The following BPIFB4 variants were observed in gnomAD, a reference collection of about 807,000 sequenced individuals.
BPIFB4 encodes the protein BPI fold containing family B member 4.
A neutral mutation model predicts 69.2 loss-of-function variants in BPIFB4; 62 were observed. The ratio of observed to expected loss-of-function variants is 0.90; its 90% CI spans 0.73 to 1.11. BPIFB4 has a LOEUF of 1.11. Ranked by LOEUF, BPIFB4 falls within the 50% of genes least tolerant of loss-of-function variation. The pLI, the probability that BPIFB4 is intolerant of heterozygous loss-of-function variation, is 0.00. For synonymous variants in BPIFB4, 330 were observed against 332.7 expected (o/e 0.99, Z 0.09); for missense variants, 789 against 792.0 (o/e 1.00, Z 0.04).
In BPIFB4 at chr20:33,081,013, G is replaced by A. The variant is rs114680276; in HGVS notation, c.-16+437G>A. ...TGGCTTGCTGGGTGTTTCCATGACA[G>A]ATGGGTAATAGATAGATGGAAAGAT... On this transcript the variant is annotated intron_variant, in intron 2 of 17. Coordinates refer to ENST00000375483, the MANE Select transcript of BPIFB4 (RefSeq NM_182519.3). Among the ~76,000 whole-genome samples, 192 of 152,334 alleles carry A rather than the reference G, an allele frequency of 1.3e-3. 1 individual carries two copies. The highest frequency in any genetic ancestry group is 4.4e-3 in the African/African-American group (182 of 41,582).
In BPIFB4 at chr20:33,083,754, G is replaced by A. The variant is rs200543830; in HGVS notation, c.557G>A (p.Gly186Asp). Residue 186 changes from glycine (G) to aspartate (D), a missense_variant, in exon 5 of 18, where the codon GGC becomes GAC. Coordinates refer to ENST00000375483, the MANE Select transcript of BPIFB4 (RefSeq NM_182519.3). ...GMLAADGILA[G>D]QGGLLGGGGL... is the part of the protein sequence containing the mutation. ...CTGGCAGCTGATGGCATCCTCGCAG[G>A]CCAAGGTGGCCTGCTCGGCGGAGGT... 1.8e-4 allele frequency: 293 copies of A among 1,613,880 alleles called. 2 individuals are homozygous for A. Among genetic ancestry groups the A allele is most frequent in the Middle Eastern group, 1.3e-3 (8 of 6,024 alleles).
At chr20:33,084,744 A>G in intron 5 of BPIFB4, 148 bp from the exon 6 acceptor site, 3 of 1,423,892 alleles carry the variant, frequency 2.1e-6, no homozygotes, top group Middle Eastern at 2.5e-4. Flanking sequence ...TGTTTTCCAC[A>G]TTCTGTCCTT....
intron 12 of BPIFB4, among the ~76,000 whole-genome samples, chr20:33,096,832 C>T (rs76421479): frequency 6.6e-6 from 1 of 152,130 alleles, no homozygotes; most frequent in East Asian, 1.9e-4. Flanking sequence ...CTTTCTGTTT[C>T]TTTTGAAAGT....
intron 14 of BPIFB4, among the ~76,000 whole-genome samples, chr20:33,100,884 A>G (rs1286665782): frequency 2.0e-5 from 3 of 149,630 alleles, no homozygotes; most frequent in Non-Finnish European, 4.5e-5. Flanking sequence ...GCATAGGTAC[A>G]CACGTGTAGT....
chr20:33,096,383 C>A (rs1981753952), intron 12 of BPIFB4, among the ~76,000 whole-genome samples: 1 of 152,206 alleles, frequency 6.6e-6, no homozygotes, highest in Admixed American at 6.5e-5. Context: ...TCAAGCAATT[C>A]CCCTGACTCA....
At chr20:33,109,223 T>C (rs985703037) in intron 17 of BPIFB4, among the ~76,000 whole-genome samples, 4 of 152,208 alleles carry the variant, frequency 2.6e-5, no homozygotes, top group Admixed American at 6.5e-5. Context: ...AGCATTTTAT[T>C]ATAAAATGTT....
At chr20:33,106,338 A>G (rs548028365) in intron 16 of BPIFB4, among the ~76,000 whole-genome samples, 32 of 151,628 alleles carry the variant, frequency 2.1e-4, no homozygotes, top group African/African-American at 6.0e-4. Context: ...TGACTGGGCG[A>G]AGGGCTGGGT....
At chr20:33,083,260 G>C (rs1981295583) in intron 4 of BPIFB4, 107 bp from the exon 5 acceptor site, 9 of 932,412 alleles carry the variant, frequency 9.7e-6, no homozygotes, top group Non-Finnish European at 1.3e-5. Context: ...GTGGTGGGGG[G>C]TTGCTGGGTG....
At position 33,080,578 on chromosome 20, in the gene BPIFB4, T is replaced by G. The variant is rs1269921932; in HGVS notation, c.-16+2T>G. Reference sequence around the variant, plus strand: ...ATTTGGGAGCAGAAGTTCAAAAAGGTAAAGTCCCTTTCCTAAGCATTAAGA... The same window carrying G: ...ATTTGGGAGCAGAAGTTCAAAAAGGGAAAGTCCCTTTCCTAAGCATTAAGA... On this transcript the variant is annotated splice_donor_variant, in intron 2 of 17. Coordinates refer to ENST00000375483, the MANE Select transcript of BPIFB4 (RefSeq NM_182519.3). LOFTEE classifies it low-confidence loss of function (5UTR_SPLICE). The G allele has an allele frequency of 6.6e-6, 1 of 152,224 alleles. No homozygotes were observed. The highest frequency in any genetic ancestry group is 2.4e-5 in the African/African-American group (1 of 41,440). The allele number at this position is 152,224 out of a possible 1,614,324, so 9.4% of individuals were successfully genotyped here. A position where few individuals can be genotyped will look rare whatever the true frequency, so the allele number is the denominator to read the frequency against.
chr20:33,083,243 G>T (rs1981294641), intron 4 of BPIFB4, 124 bp from the exon 5 acceptor site: 2 of 881,990 alleles, frequency 2.3e-6, no homozygotes, highest in East Asian at 7.4e-5. Context: ...GGGGCTGCTG[G>T]GTGGCAGTGG....
intron 7 of BPIFB4, among the ~76,000 whole-genome samples, chr20:33,086,958 C>T (rs1981448704): frequency 6.6e-6 from 1 of 152,126 alleles, no homozygotes; most frequent in African/African-American, 2.4e-5. Flanking sequence ...TCTTCCTCTC[C>T]ATTATTATCC....
At chr20:33,106,376 C>CTTTTTTTT (rs71190890) in intron 16 of BPIFB4, among the ~76,000 whole-genome samples, 10 of 133,058 alleles carry the variant, frequency 7.5e-5, no homozygotes, top group South Asian at 2.4e-4. Context: ...TCTTTTCTTT[C>CTTTTTTTT]TTTTTTTTTT....
chr20:33,086,255 C>T (rs41311298), intron 7 of BPIFB4, 91 bp downstream of exon 7: 144,271 of 1,486,868 alleles, frequency 0.097, 7,615 homozygotes, highest in Non-Finnish European at 0.11. Context: ...TGCCCATAGG[C>T]TCTGGGGTGG....
chr20:33,097,483 T>C lies in BPIFB4; in HGVS notation c.1399-134T>C, dbSNP rs575899835. 469 of 943,366 alleles carry C rather than the reference T, an allele frequency of 5.0e-4. 2 individuals carry two copies. The highest frequency in any genetic ancestry group is 6.5e-4 in the Non-Finnish European group (407 of 622,930). 58.4% of individuals were successfully genotyped at this position (943,366 alleles called of 1,614,324 possible). A position where few individuals can be genotyped will look rare whatever the true frequency, so the allele number is the denominator to read the frequency against. ...CTTGCCCAGTTCTCACAGTGGGTCA[T>C]TGGCTTTGCCTGTGGTTTGTTGGAC... On this transcript the variant is annotated intron_variant, in intron 12 of 17. Coordinates refer to ENST00000375483, the MANE Select transcript of BPIFB4 (RefSeq NM_182519.3).
rs554570910 is a variant in BPIFB4 at position 33,090,745 on chromosome 20, C to T, written c.1089C>T (p.Tyr363=). The T allele has an allele frequency of 5.1e-5, 82 of 1,614,070 alleles. No homozygotes were observed. The South Asian group carries it at 7.5e-4, about 15-fold the overall frequency. The change falls in exon 10 of 18, where the codon TAC becomes TAT. Residue 363 remains tyrosine, a synonymous_variant. Transcript: ENST00000375483. The part of the protein sequence containing the change: ...IPLGILGSVQ[Y]TFSSLPLVTG... ...TGGGGATATTGGGAAGTGTCCAGTA[C>T]ACCTTCTCCAGCCTCCCGCTTGTGA... is the stretch of plus-strand genomic sequence containing the variant.
intron 11 of BPIFB4, 21 bp from the exon 12 acceptor site, chr20:33,095,079 G>A: frequency 6.2e-7 from 1 of 1,600,802 alleles, no homozygotes; most frequent in Non-Finnish European, 8.6e-7. Flanking sequence ...GATTCACGTG[G>A]CCCTTCTTCT....
At chr20:33,090,144 C>A (rs1317060886) in intron 9 of BPIFB4, among the ~76,000 whole-genome samples, 1 of 152,236 alleles carries the variant, frequency 6.6e-6, no homozygotes, top group African/African-American at 2.4e-5. Flanking sequence ...AATGGCAGTG[C>A]CTCGAGTTGT....
Position 33,081,661 on chromosome 20 carries a change from T to A in BPIFB4, c.106+29T>A, listed in dbSNP as rs221983. The A allele has an allele frequency of 0.1, 155,114 of 1,550,556 alleles. 8,401 individuals carry two copies. The highest frequency in any genetic ancestry group is 0.11 in the Non-Finnish European group (127,371 of 1,146,252). On this transcript the variant is annotated intron_variant, in intron 3 of 17. Coordinates refer to ENST00000375483, the MANE Select transcript of BPIFB4 (RefSeq NM_182519.3). ...AGTCCAGCCCCAAAGGGGTGAGGGTTGGCATGGGGTGAGCAGGGCAGCTCT... is the reference window on the plus strand; with the variant it reads ...AGTCCAGCCCCAAAGGGGTGAGGGTAGGCATGGGGTGAGCAGGGCAGCTCT...
intron 17 of BPIFB4, among the ~76,000 whole-genome samples, chr20:33,110,884 C>T (rs1428716257): frequency 2.7e-5 from 4 of 146,526 alleles, no homozygotes; most frequent in East Asian, 2.0e-4. Flanking sequence ...GGCGCGATCT[C>T]GGCTCACTGT....
Sources: allele counts gnomAD v4.1 joint callset (sites outside exome capture counted in the v4.1 genomes callset), GRCh38; gene constraint gnomAD v4.1.1; transcripts MANE v1.5; gene names NCBI Gene and HGNC (gene_info 2026-07-23, HGNC 2026-07-21).